Variants in ADRA1B observed in about 807,000 individuals in gnomAD.
ADRA1B encodes adrenoceptor alpha 1B.
A neutral mutation model predicts 17.9 loss-of-function variants in ADRA1B; 17 were observed. That is an observed-to-expected ratio of 0.95 (90% CI 0.65 to 1.42). The LOEUF is 1.42. ADRA1B is among the 40% of genes most tolerant of loss of function. The pLI, the probability that ADRA1B is intolerant of heterozygous loss-of-function variation, is 0.00. For missense variants in ADRA1B, 681 were observed against 722.1 expected (o/e 0.94, Z 0.65); for synonymous variants, 366 against 327.6 (o/e 1.12, Z -1.27).
chr5:159,984,105 C>T, the ADRA1B span, among the ~76,000 whole-genome samples: 2 of 152,144 alleles, frequency 1.3e-5, no homozygotes, highest in Admixed American at 6.5e-5. Context: ...CTGACCACTC[C>T]TTCTCAGTGG....
intron 1 of ADRA1B, among the ~76,000 whole-genome samples, chr5:159,957,895 C>T (rs1416173834): frequency 6.9e-6 from 1 of 143,966 alleles, no homozygotes; most frequent in African/African-American, 2.6e-5. Flanking sequence ...CACCATTGCA[C>T]CCCAGCCTGG....
the ADRA1B span, among the ~76,000 whole-genome samples, chr5:159,980,500 G>C: frequency 2.0e-5 from 3 of 152,150 alleles, no homozygotes; most frequent in Non-Finnish European, 4.4e-5. Context: ...CAGATGAGTA[G>C]TAGTACAGCC....
chr5:159,980,934 TA>T, the ADRA1B span, among the ~76,000 whole-genome samples: 1 of 151,588 alleles, frequency 6.6e-6, no homozygotes, highest in Non-Finnish European at 1.5e-5. Flanking sequence ...GACCTCACAA[TA>T]AAAAAAACCA....
chr5:159,908,359 A>G (rs1007019720), intron 1 of ADRA1B, among the ~76,000 whole-genome samples: 1 of 152,170 alleles, frequency 6.6e-6, no homozygotes, highest in Non-Finnish European at 1.5e-5. Context: ...ATCAAGTCTC[A>G]TGTTGAAATT....
At chr5:159,895,970 C>T (rs1186704363) in intron 1 of ADRA1B, among the ~76,000 whole-genome samples, 1 of 152,178 alleles carries the variant, frequency 6.6e-6, no homozygotes, top group Admixed American at 6.5e-5. Flanking sequence ...CTGTCTCATT[C>T]ACCTGTGTCC....
chr5:159,910,085 T>A (rs1386459673), intron 1 of ADRA1B, among the ~76,000 whole-genome samples: 1 of 152,144 alleles, frequency 6.6e-6, no homozygotes, highest in Admixed American at 6.5e-5. Context: ...CACATATATA[T>A]CCTACATACA....
In ADRA1B at chr5:159,964,862, C is replaced by T. The variant is rs561333294; in HGVS notation, c.950-7017C>T. On this transcript the variant is annotated intron_variant, in intron 1 of 1. Coordinates refer to ENST00000306675, the MANE Select transcript of ADRA1B (RefSeq NM_000679.4). ...GTGCTGGCAGTTGTAACAGTAGCAG[C>T]GCTCAAAGCAGTCATCATAGCTATA... Among the ~76,000 whole-genome samples the T allele has an allele frequency of 5.6e-4, 86 of 152,302 alleles. No individual in the cohort carries two copies. The Middle Eastern group carries it at 0.02, about 36-fold the overall frequency.
chr5:159,941,800 T>C (rs1392659770), intron 1 of ADRA1B, among the ~76,000 whole-genome samples: 1 of 151,946 alleles, frequency 6.6e-6, no homozygotes, highest in Non-Finnish European at 1.5e-5. Flanking sequence ...TTTTGTCATA[T>C]AATTCTATTA....
rs67558049 is a variant in ADRA1B at position 159,969,928 on chromosome 5, ATT to A, written c.950-1945_950-1944del. Among the ~76,000 whole-genome samples, 361 of 151,240 alleles carry A rather than the reference ATT, an allele frequency of 2.4e-3. 1 individual carries two copies. The highest frequency in any genetic ancestry group is 7.3e-3 in the African/African-American group (301 of 41,002). ...CTTTACACAGAGTATTATTAATTGC[ATT>A]TTTTTAAAAAAAAAACACATTTTTA... On this transcript the variant is annotated intron_variant, in intron 1 of 1. Transcript: ENST00000306675.
intron 1 of ADRA1B, among the ~76,000 whole-genome samples, chr5:159,881,360 C>T (rs1270244041): frequency 1.4e-5 from 2 of 144,632 alleles, no homozygotes; most frequent in African/African-American, 5.0e-5. Flanking sequence ...CTTTTCTCCT[C>T]TGCCCCTACC....
chr5:159,915,029 A>G (rs974039989), upstream of ADRA1B, among the ~76,000 whole-genome samples: 1 of 152,222 alleles, frequency 6.6e-6, no homozygotes, highest in African/African-American at 2.4e-5. Context: ...GTAAAGTCTC[A>G]AAGAAACTGA....
chr5:159,968,184 T>C (rs1755808073), intron 1 of ADRA1B, among the ~76,000 whole-genome samples: 2 of 152,198 alleles, frequency 1.3e-5, no homozygotes, highest in African/African-American at 4.8e-5. Flanking sequence ...ATGACTATCA[T>C]ATACTGGTCT....
Position 159,916,836 on chromosome 5 carries a change from A to C in ADRA1B, c.-70A>C. 1 of 1,435,160 alleles carries C rather than the reference A, an allele frequency of 7.0e-7. No individual in the cohort carries two copies. Among genetic ancestry groups the C allele is most frequent in the Non-Finnish European group, 9.4e-7 (1 of 1,059,046 alleles). 88.9% of individuals were successfully genotyped at this position (1,435,160 alleles called of 1,614,324 possible). A position where few individuals can be genotyped will look rare whatever the true frequency, so the allele number is the denominator to read the frequency against. ...CACGGGGGAAGCAAAGTTTCAGGGCAGCTGAGGAGCCTTCGCCGCAGCCCT... is the reference window on the plus strand; with the variant it reads ...CACGGGGGAAGCAAAGTTTCAGGGCCGCTGAGGAGCCTTCGCCGCAGCCCT... On this transcript the variant is annotated 5_prime_UTR_variant, in exon 1 of 2. Transcript: ENST00000306675.
intron 1 of ADRA1B, chr5:159,951,417 CT>C: frequency 1.2e-6 from 1 of 800,070 alleles, no homozygotes; most frequent in South Asian, 1.3e-5. Flanking sequence ...ACAATATCCA[CT>C]TTACTAGAGT....
chr5:159,963,552 G>A (rs1435108170), intron 1 of ADRA1B, among the ~76,000 whole-genome samples: 1 of 152,158 alleles, frequency 6.6e-6, no homozygotes, highest in Non-Finnish European at 1.5e-5. Context: ...CAGTATGAAT[G>A]GTGCCTTCTA....
chr5:159,915,923 G>C (rs1754288867), upstream of ADRA1B, among the ~76,000 whole-genome samples: 1 of 152,194 alleles, frequency 6.6e-6, no homozygotes, highest in Non-Finnish European at 1.5e-5. Flanking sequence ...GGCAGAGAGT[G>C]GAGACTCCGT....
chr5:159,868,984 A>T (rs1253583958), intron 1 of ADRA1B: 1 of 152,196 alleles, frequency 6.6e-6, no homozygotes, highest in African/African-American at 2.4e-5. Context: ...ACCTCAGAGC[A>T]TCTCTCATGT....
In ADRA1B at chr5:159,964,779, C is replaced by G. The variant is rs1365509345; in HGVS notation, c.950-7100C>G. ...TCTCAATGCCCACACAGCACATAGA[C>G]CTCATCCTCTTCACCACCTTCTTCA... On this transcript the variant is annotated intron_variant, in intron 1 of 1. Coordinates refer to ENST00000306675, the MANE Select transcript of ADRA1B (RefSeq NM_000679.4). Among the ~76,000 whole-genome samples, 4 of 152,182 alleles carry G rather than the reference C, an allele frequency of 2.6e-5. No homozygotes were observed. The East Asian group carries it at 7.7e-4, about 29-fold the overall frequency.
rs1754373625 is a variant in ADRA1B at position 159,917,865 on chromosome 5, G to A, written c.949+11G>A. The A allele has an allele frequency of 1.3e-6, 2 of 1,583,924 alleles. No individual in the cohort carries two copies. Among genetic ancestry groups the A allele is most frequent in the South Asian group, 1.2e-5 (1 of 85,208 alleles). On this transcript the variant is annotated intron_variant, in intron 1 of 1. Transcript: ENST00000306675. ...TCGCTCTACCGCTTGGTAAGTTGGG[G>A]ACTAGCAGCAGGGGGACTGGGCATT...
Sources: gnomAD v4.1 joint callset for allele counts (sites outside exome capture counted in the v4.1 genomes callset) on GRCh38, gnomAD v4.1.1 for gene constraint, MANE v1.5 for transcripts, NCBI Gene and HGNC (gene_info 2026-07-23, HGNC 2026-07-21) for gene names.